The following ACSM6 variants were observed in gnomAD, a reference collection of about 807,000 sequenced individuals.
ACSM6 encodes the protein acyl-CoA synthetase medium chain family member 6.
ACSM6 carries 35 observed loss-of-function variants against 51.1 expected under a neutral mutation model. The observed-to-expected ratio is 0.69, with a 90% CI of 0.52 to 0.91. ACSM6 has a LOEUF of 0.91. Among genes scored for constraint, ACSM6 ranks in the 40% least tolerant of loss-of-function variants. The probability of loss-of-function intolerance (pLI) is 0.00; values close to 1 mark genes in which losing one functional copy is unlikely to be tolerated. For synonymous variants in ACSM6, 172 were observed against 207.3 expected, an observed-to-expected ratio of 0.83 and a Z score of 1.46; for missense variants, 509 against 584.1, an observed-to-expected ratio of 0.87 and a Z score of 1.32.
intron 3 of ACSM6, among the ~76,000 whole-genome samples, chr10:95,202,990 C>G (rs1043010513): frequency 1.3e-5 from 2 of 151,766 alleles, no homozygotes; most frequent in Admixed American, 6.6e-5. Context: ...CTAAAGCGTC[C>G]TCTACCTCAG....
chr10:95,209,856 C>G (rs2034877485), intron 4 of ACSM6, among the ~76,000 whole-genome samples: 1 of 151,808 alleles, frequency 6.6e-6, no homozygotes, highest in African/African-American at 2.4e-5. Context: ...GTAAACTTCT[C>G]ATGACAGACC....
At chr10:95,207,210 A>T (rs1439444586) in exon 4 of ACSM6, 1 of 1,613,896 alleles carries the variant, frequency 6.2e-7, no homozygotes, top group Non-Finnish European at 8.5e-7. Context: ...TTTTTCAGGA[A>T]TCACCTTTGT....
At chr10:95,210,472 T>C (rs1054455048) in intron 4 of ACSM6, among the ~76,000 whole-genome samples, 178 bp from the exon 5 acceptor site, 10 of 152,076 alleles carry the variant, frequency 6.6e-5, no homozygotes, top group African/African-American at 2.4e-4. Context: ...GCAACAAAAA[T>C]TAATGCAAAA....
chr10:95,227,282 G>T (rs2035048301), intron 10 of ACSM6, among the ~76,000 whole-genome samples: 1 of 152,036 alleles, frequency 6.6e-6, no homozygotes, highest in Admixed American at 6.6e-5. Context: ...GCCCTTATAT[G>T]AAAACATTTT....
intron 6 of ACSM6, 94 bp downstream of exon 6, chr10:95,212,128 CAA>C (rs1282027402): frequency 6.9e-7 from 1 of 1,454,298 alleles, no homozygotes; most frequent in African/African-American, 1.4e-5. Flanking sequence ...TGGGGCAAAT[CAA>C]GAGTTAAATT....
chr10:95,195,273 A>G (rs1032903557), intron 2 of ACSM6, among the ~76,000 whole-genome samples: 1 of 152,208 alleles, frequency 6.6e-6, no homozygotes, highest in Admixed American at 6.5e-5. Context: ...GAATTTAGAA[A>G]GATTTGATAA....
At chr10:95,225,625 T>G (rs546551584) in intron 10 of ACSM6, 569 of 401,720 alleles carry the variant, frequency 1.4e-3, no homozygotes, top group Non-Finnish European at 2.2e-3. Flanking sequence ...TGGGAGTAAA[T>G]GCAGACATTA....
chr10:95,203,857 TAAAAAAAAAAAA>T (rs34969526), intron 3 of ACSM6, among the ~76,000 whole-genome samples: 73 of 106,864 alleles, frequency 6.8e-4, no homozygotes, highest in African/African-American at 2.3e-3. Flanking sequence ...ATGCTAGATT[TAAAAAAAAAAAA>T]AAAAAAAAAA....
At chr10:95,205,882 A>T (rs1435103199) in intron 3 of ACSM6, among the ~76,000 whole-genome samples, 1 of 152,182 alleles carries the variant, frequency 6.6e-6, no homozygotes, top group African/African-American at 2.4e-5. Flanking sequence ...ATAAGATGGC[A>T]ATCAGTGATA....
intron 4 of ACSM6, among the ~76,000 whole-genome samples, chr10:95,208,097 C>T (rs1291314168): frequency 2.0e-5 from 3 of 151,776 alleles, no homozygotes; most frequent in Admixed American, 2.0e-4. Flanking sequence ...GCCGAGATTA[C>T]ACCACTGCAC....
intron 5 of ACSM6, among the ~76,000 whole-genome samples, chr10:95,211,251 T>C (rs1002805734): frequency 4.6e-5 from 7 of 152,188 alleles, no homozygotes; most frequent in African/African-American, 1.7e-4. Context: ...GTTAAGTAGC[T>C]CATGGGTATC....
intron 3 of ACSM6, among the ~76,000 whole-genome samples, chr10:95,203,807 G>T (rs1466853563): frequency 6.8e-5 from 10 of 146,224 alleles, no homozygotes; most frequent in Non-Finnish European, 1.3e-4. Context: ...CTCATTAGGA[G>T]TTGCCACAAC....
intron 9 of ACSM6, among the ~76,000 whole-genome samples, chr10:95,222,579 C>T (rs1463938726): frequency 6.7e-6 from 1 of 150,112 alleles, no homozygotes; most frequent in African/African-American, 2.5e-5. Flanking sequence ...GCAGAGATCA[C>T]ACCACTGCAC....
chr10:95,221,020 G>A (rs945996531), intron 9 of ACSM6, among the ~76,000 whole-genome samples: 4 of 151,666 alleles, frequency 2.6e-5, no homozygotes, highest in African/African-American at 9.7e-5. Flanking sequence ...AATAAAATGA[G>A]CATGTAATTT....
chr10:95,222,986 A>G (rs1323331651), intron 9 of ACSM6, among the ~76,000 whole-genome samples: 1 of 152,094 alleles, frequency 6.6e-6, no homozygotes, highest in Non-Finnish European at 1.5e-5. Flanking sequence ...TTAAATATGT[A>G]TAGCTTTTTG....
At chr10:95,207,344 C>T in exon 4 of ACSM6, 1 of 1,614,146 alleles carries the variant, frequency 6.2e-7, no homozygotes, top group Non-Finnish European at 8.5e-7. Flanking sequence ...CCGACTGCCC[C>T]ACCTTGAAAA....
At chr10:95,228,582 A>G in intron 10 of ACSM6, 62 bp from the exon 11 acceptor site, 1 of 1,504,504 alleles carries the variant, frequency 6.6e-7, no homozygotes, top group Non-Finnish European at 8.9e-7. Flanking sequence ...TGCTCAATTC[A>G]TATCACTAAA....
intron 3 of ACSM6, among the ~76,000 whole-genome samples, chr10:95,205,367 G>A (rs550618525): frequency 1.1e-4 from 16 of 152,182 alleles, no homozygotes; most frequent in African/African-American, 3.6e-4. Flanking sequence ...CAAGATCAAG[G>A]CAGACGCAAT....
chr10:95,227,732 G>A (rs912875634), intron 10 of ACSM6, among the ~76,000 whole-genome samples: 7 of 152,188 alleles, frequency 4.6e-5, no homozygotes, highest in African/African-American at 1.4e-4. Flanking sequence ...CTAAGAATCT[G>A]GACACATTGG....
Sources: gnomAD v4.1 joint callset for allele counts (sites outside exome capture counted in the v4.1 genomes callset) on GRCh38, gnomAD v4.1.1 for gene constraint, MANE v1.5 for transcripts, NCBI Gene and HGNC (gene_info 2026-07-23, HGNC 2026-07-21) for gene names.